The following PRUNE2 variants were observed in gnomAD, a reference collection of about 807,000 sequenced individuals.
The protein encoded by PRUNE2 is protein prune homolog 2.
In PRUNE2, 164 loss-of-function variants were observed where a neutral mutation model predicts 252.0. The ratio of observed to expected loss-of-function variants is 0.65; its 90% CI spans 0.57 to 0.74. The LOEUF (loss-of-function observed/expected upper bound fraction) is 0.74. Among genes scored for constraint, PRUNE2 ranks in the 30% least tolerant of loss-of-function variants. The probability of loss-of-function intolerance (pLI) is 0.00; values close to 1 mark genes in which losing one functional copy is unlikely to be tolerated. For synonymous variants in PRUNE2, 1,292 were observed against 1,350.2 expected, an observed-to-expected ratio of 0.96 and a Z score of 0.94; for missense variants, 3,495 against 3,711.0, an observed-to-expected ratio of 0.94 and a Z score of 1.51.
rs149949061 is a variant in PRUNE2, at chr9:76,831,129, C to T, written c.509-4397G>A. Among the ~76,000 whole-genome samples, 1,390 of 152,080 alleles carry T rather than the reference C, an allele frequency of 9.1e-3. 22 individuals are homozygous for T. Among genetic ancestry groups the T allele is most frequent in the African/African-American group, 0.031 (1,303 of 41,482 alleles). On this transcript the variant is annotated intron_variant, in intron 4 of 18. Transcript: ENST00000376718. ...TATTTTTAGTAGAGATGGGGTTTCACCATGTTAGCCAGCATGGTCTCGATC... is the reference window on the plus strand; with the variant it reads ...TATTTTTAGTAGAGATGGGGTTTCATCATGTTAGCCAGCATGGTCTCGATC...
chr9:76,745,892 G>A (rs1215810267), intron 6 of PRUNE2, among the ~76,000 whole-genome samples: 2 of 152,196 alleles, frequency 1.3e-5, no homozygotes, highest in Non-Finnish European at 2.9e-5. Context: ...TGTGATTCAA[G>A]CTGCACTAAC....
At chr9:76,759,995 C>G (rs946449464) in intron 6 of PRUNE2, 31 of 152,416 alleles carry the variant, frequency 2.0e-4, no homozygotes, top group African/African-American at 7.2e-4. Context: ...CGAGGGCAGT[C>G]AGGGAATTCT....
Position 76,854,104 on chromosome 9 carries a change from C to T in PRUNE2, c.141G>A (p.Lys47=), listed in dbSNP as rs775005750. 3 of 1,528,220 alleles carry T rather than the reference C, an allele frequency of 2.0e-6. No homozygotes were observed. Among genetic ancestry groups the T allele is most frequent in the Non-Finnish European group, 1.8e-6 (2 of 1,113,812 alleles). The allele number at this position is 1,528,220 out of a possible 1,614,324, so 94.7% of individuals were successfully genotyped here. Residue 47 remains lysine (K), a splice_region_variant and synonymous_variant, in exon 2 of 19, where the codon AAG becomes AAA. Coordinates refer to ENST00000376718, the MANE Select transcript of PRUNE2 (RefSeq NM_015225.3). ...GGAGTATTACCCTTTTTTCCCTCAC[C>T]TTGTCTAGAAAGTAAGCATATGTGA... The part of the protein sequence containing the change: ...STFTYAYFLD[K]VSPPGVLCLP...
At chr9:76,760,716 C>T (rs1266044851) in intron 6 of PRUNE2, among the ~76,000 whole-genome samples, 1 of 152,184 alleles carries the variant, frequency 6.6e-6, no homozygotes, top group Non-Finnish European at 1.5e-5. Flanking sequence ...TAGACTCACT[C>T]TACTTCAACC....
intron 6 of PRUNE2, among the ~76,000 whole-genome samples, chr9:76,727,813 A>G (rs1323839410): frequency 6.9e-6 from 1 of 145,022 alleles, no homozygotes; most frequent in Admixed American, 7.5e-5. Flanking sequence ...CCCCAGGTTC[A>G]AGTGATCCTT....
chr9:76,622,551 TATC>T lies in PRUNE2; in HGVS notation c.9188+1898_9188+1900del, dbSNP rs1361595858. Among the ~76,000 whole-genome samples the T allele has an allele frequency of 2.0e-5, 3 of 152,296 alleles. No homozygotes were observed. The South Asian group carries it at 6.2e-4, about 32-fold the overall frequency. On this transcript the variant is annotated intron_variant, in intron 17 of 18. Coordinates refer to ENST00000376718, the MANE Select transcript of PRUNE2 (RefSeq NM_015225.3). ...TAGCGCTTTAATTTCATAAATATGT[TATC>T]ATCCTGAAAAAATAAATCTGAAAGA...
chr9:76,904,525 A>G (rs1353052735), intron 1 of PRUNE2, among the ~76,000 whole-genome samples: 5 of 152,200 alleles, frequency 3.3e-5, no homozygotes, highest in Non-Finnish European at 7.4e-5. Context: ...ATTGTCTTTC[A>G]TTTTTGAACA....
Position 76,642,559 on chromosome 9 carries a change from C to T in PRUNE2, c.8728+2180G>A, listed in dbSNP as rs1281374523. On this transcript the variant is annotated intron_variant, in intron 12 of 18. Coordinates refer to ENST00000376718, the MANE Select transcript of PRUNE2 (RefSeq NM_015225.3). ...TGTAGCTGGCACTTCTCTACTGGCC[C>T]GAATGAGAAAACTTCCTCAGAGCAA... Among the ~76,000 whole-genome samples, 5 of 152,108 alleles carry T rather than the reference C, an allele frequency of 3.3e-5. No individual in the cohort carries two copies. In the East Asian group the frequency reaches 5.8e-4, roughly 18 times the overall value.
chr9:76,688,058 C>G (rs1191817372), intron 9 of PRUNE2, among the ~76,000 whole-genome samples: 1 of 152,218 alleles, frequency 6.6e-6, no homozygotes, highest in Admixed American at 6.5e-5. Context: ...GTTCTTGCAA[C>G]CTATGAGTCA....
intron 15 of PRUNE2, among the ~76,000 whole-genome samples, chr9:76,630,816 G>A (rs1837315029): frequency 6.6e-6 from 1 of 152,200 alleles, no homozygotes; most frequent in Admixed American, 6.5e-5. Flanking sequence ...GTAAGCCTCT[G>A]CACCCGGCCT....
chr9:76,771,061 A>C (rs1564263569), intron 6 of PRUNE2, among the ~76,000 whole-genome samples: 1 of 152,170 alleles, frequency 6.6e-6, no homozygotes, highest in Admixed American at 6.5e-5. Context: ...TCGACAAAAA[A>C]TTATCTAAAG....
Position 76,718,685 on chromosome 9 carries a change from C to T in PRUNE2, c.757-4964G>A, listed in dbSNP as rs368370368. On this transcript the variant is annotated intron_variant, in intron 6 of 18. Transcript: ENST00000376718. ...CCTGTCCCCTTTCTCTTCTCTCTTTCCACTTTCTCCTTGATGATCTTACCC... is the reference window on the plus strand; with the variant it reads ...CCTGTCCCCTTTCTCTTCTCTCTTTTCACTTTCTCCTTGATGATCTTACCC... Among the ~76,000 whole-genome samples, 4 of 152,098 alleles carry T rather than the reference C, an allele frequency of 2.6e-5. No homozygotes were observed. The East Asian group carries it at 5.8e-4, about 22-fold the overall frequency.
chr9:76,635,210 G>A (rs969102984), intron 15 of PRUNE2, among the ~76,000 whole-genome samples: 8 of 152,140 alleles, frequency 5.3e-5, no homozygotes, highest in Non-Finnish European at 4.4e-5. Context: ...GACCTCAAGT[G>A]ATCTGCCCGC....
Position 76,709,065 on chromosome 9 carries a change from T to C in PRUNE2, c.3209A>G (p.Asp1070Gly). ...TDGKNISMED[D>G]VGESSQSSYD... is the part of the protein sequence containing the mutation. ...ACTGGACTGGCTGCTTTCCCCGACGTCATCCTCCATGGAGATATTCTTACC... is the reference window on the plus strand; with the variant it reads ...ACTGGACTGGCTGCTTTCCCCGACGCCATCCTCCATGGAGATATTCTTACC... The change falls in exon 8 of 19, where the codon GAC becomes GGC. Residue 1070 changes from aspartate (D) to glycine (G), a missense_variant. Asp to Gly is a moderately conservative substitution (Grantham distance 94). Coordinates refer to ENST00000376718, the MANE Select transcript of PRUNE2 (RefSeq NM_015225.3). The C allele has an allele frequency of 6.2e-7, 1 of 1,613,990 alleles. No homozygotes were observed. Among genetic ancestry groups the C allele is most frequent in the Non-Finnish European group, 8.5e-7 (1 of 1,179,882 alleles).
At chr9:76,833,783 A>T (rs185503288) in intron 4 of PRUNE2, among the ~76,000 whole-genome samples, 30 of 151,674 alleles carry the variant, frequency 2.0e-4, no homozygotes, top group East Asian at 1.6e-3. Flanking sequence ...AATAAATAAA[A>T]AATTTAAAAA....
intron 1 of PRUNE2, among the ~76,000 whole-genome samples, chr9:76,890,801 A>C (rs1260977219): frequency 6.6e-6 from 1 of 152,236 alleles, no homozygotes. Context: ...GGCAAGTATC[A>C]ACCCAAAATT....
intron 6 of PRUNE2, among the ~76,000 whole-genome samples, chr9:76,806,674 A>ATTTTTT (rs750726403): frequency 7.4e-6 from 1 of 134,792 alleles, no homozygotes. Flanking sequence ...CGCCCGGCTA[A>ATTTTTT]TTTTTTTTTT....
chr9:76,847,406 C>T (rs1242974236), intron 3 of PRUNE2, among the ~76,000 whole-genome samples: 3 of 151,014 alleles, frequency 2.0e-5, no homozygotes. Context: ...TAGAAAAATC[C>T]CCATTGTATA....
chr9:76,757,402 A>T (rs1364884814), intron 6 of PRUNE2, among the ~76,000 whole-genome samples: 1 of 152,218 alleles, frequency 6.6e-6, no homozygotes, highest in African/African-American at 2.4e-5. Context: ...GCTTGGCTGC[A>T]TTCTGAGTCA....
Sources: allele counts gnomAD v4.1 joint callset (sites outside exome capture counted in the v4.1 genomes callset), GRCh38; gene constraint gnomAD v4.1.1; transcripts MANE v1.5; gene names NCBI Gene and HGNC (gene_info 2026-07-23, HGNC 2026-07-21).